Variants in MAGED1 observed in about 807,000 individuals in gnomAD.
MAGED1 encodes the protein MAGE family member D1.
MAGED1 carries 3 observed loss-of-function variants against 54.1 expected under a neutral mutation model. The observed-to-expected ratio is 0.06, with a 90% CI of 0.03 to 0.14. The LOEUF (loss-of-function observed/expected upper bound fraction) is 0.14. MAGED1 is among the 10% of genes least tolerant of loss of function. MAGED1 has a pLI of 1.00. For missense variants in MAGED1, 485 were observed against 623.4 expected, an observed-to-expected ratio of 0.78 and a Z score of 2.36; for synonymous variants, 217 against 227.3, an observed-to-expected ratio of 0.95 and a Z score of 0.41.
At chrX:51,867,421 G>C (rs371109000) in intron 1 of MAGED1, among the ~76,000 whole-genome samples, 12 of 112,039 alleles carry the variant, frequency 1.1e-4, no homozygotes, top group African/African-American at 3.9e-4. Flanking sequence ...GAGCCAATCC[G>C]AGTCCCAAAA....
chrX:51,901,988 G>A, intron 12 of MAGED1, 50 bp downstream of exon 12: 1 of 1,101,132 alleles, frequency 9.1e-7, no homozygotes, highest in Admixed American at 3.0e-5. Context: ...GGGGATATAG[G>A]GTCCATGGGG....
At chrX:51,889,207 C>T (rs1403516621), upstream of MAGED1, among the ~76,000 whole-genome samples, 1 of 111,835 alleles carries the variant, frequency 8.9e-6, no homozygotes, top group Non-Finnish European at 1.9e-5. Flanking sequence ...TAGAACCTCA[C>T]TGTACTATCC....
chrX:51,897,696 A>G, intron 6 of MAGED1, 70 bp downstream of exon 6: 1 of 1,092,295 alleles, frequency 9.2e-7, no homozygotes, highest in Admixed American at 2.2e-5. Context: ...TGGGGTTCCT[A>G]CTGGGAGTTT....
chrX:51,871,272 CTT>C (rs781922894), intron 1 of MAGED1, among the ~76,000 whole-genome samples: 3 of 100,697 alleles, frequency 3.0e-5, no homozygotes, highest in Non-Finnish European at 4.1e-5. Context: ...TGGGCATAAT[CTT>C]TTTTTTTTTT....
At chrX:51,854,072 G>A (rs1371283) in intron 1 of MAGED1, among the ~76,000 whole-genome samples, 2 of 111,076 alleles carry the variant, frequency 1.8e-5, no homozygotes, top group Admixed American at 9.5e-5. Flanking sequence ...TAAATGACTC[G>A]TGATTTTCTT....
chrX:51,854,631 A>T (rs1462487279), intron 1 of MAGED1, among the ~76,000 whole-genome samples: 2 of 111,585 alleles, frequency 1.8e-5, no homozygotes, highest in Admixed American at 9.5e-5. Flanking sequence ...TCATCCACAA[A>T]CTTGGAATAA....
chrX:51,841,084 T>A (rs1926453804), intron 1 of MAGED1, among the ~76,000 whole-genome samples: 1 of 104,463 alleles, frequency 9.6e-6, no homozygotes, highest in Admixed American at 1.0e-4. Flanking sequence ...CTCCACATCC[T>A]CTCCAGCACC....
At chrX:51,820,869 T>C (rs1400028879) in intron 1 of MAGED1, among the ~76,000 whole-genome samples, 1 of 111,688 alleles carries the variant, frequency 9.0e-6, no homozygotes, top group Non-Finnish European at 1.9e-5. Context: ...CCTATTTAAC[T>C]GTAATTTTGT....
chrX:51,884,517 CA>C (rs1928172897), intron 1 of MAGED1, among the ~76,000 whole-genome samples: 1 of 111,543 alleles, frequency 9.0e-6, no homozygotes, highest in Admixed American at 9.5e-5. Flanking sequence ...AAATAATGGC[CA>C]AAGGAAGTTC....
intron 11 of MAGED1, 34 bp downstream of exon 11, chrX:51,900,330 A>C (rs1928959878): frequency 9.1e-7 from 1 of 1,094,871 alleles, no homozygotes; most frequent in African/African-American, 1.8e-5. Context: ...TTGATAGGTC[A>C]AGGGATGAAG....
Position 51,858,743 on chromosome X carries a change from A to G in MAGED1, c.-36-35526A>G, listed in dbSNP as rs1260010094. 4.4e-4 allele frequency among the ~76,000 whole-genome samples: 49 copies of G among 111,277 alleles called. No individual in the cohort carries two copies. The Admixed American group carries it at 4.7e-3, about 11-fold the overall frequency. On this transcript the variant is annotated intron_variant, in intron 1 of 12. Transcript: ENST00000375772. Reference sequence around the variant, plus strand: ...ACAGAGTCAGGTCATTCTAGGAATTATAACCAAACAAGCCAAAATAAAGTA... The same window carrying G: ...ACAGAGTCAGGTCATTCTAGGAATTGTAACCAAACAAGCCAAAATAAAGTA...
intron 1 of MAGED1, among the ~76,000 whole-genome samples, chrX:51,813,021 CT>C (rs781836909): frequency 0.12 from 8,851 of 76,545 alleles, 272 homozygotes; most frequent in Non-Finnish European, 0.15. Flanking sequence ...CCGCTGACAT[CT>C]TTTTTTTTTT....
rs576961697 is a variant in MAGED1 at position 51,822,166 on chromosome X, C to T, written c.-37+19049C>T. 1.9e-3 allele frequency among the ~76,000 whole-genome samples: 213 copies of T among 111,515 alleles called. 1 individual carries two copies. Among genetic ancestry groups the T allele is most frequent in the Non-Finnish European group, 3.3e-3 (176 of 53,054 alleles). The stretch of plus-strand genomic sequence containing the variant: ...TTTGTGTAGAATTTAGCAGTGAAGC[C>T]GTCTTGGCCTTGGCTTTTATTTGTG... On this transcript the variant is annotated intron_variant, in intron 1 of 12. Coordinates refer to the MAGED1 transcript ENST00000375772.
intron 1 of MAGED1, among the ~76,000 whole-genome samples, chrX:51,820,142 A>T (rs1310274405): frequency 8.9e-6 from 1 of 111,965 alleles, no homozygotes; most frequent in African/African-American, 3.2e-5. Flanking sequence ...TATGTCTACA[A>T]TTATTCTAGT....
At chrX:51,808,544 A>G (rs1255294680) in intron 1 of MAGED1, among the ~76,000 whole-genome samples, 3 of 111,575 alleles carry the variant, frequency 2.7e-5, no homozygotes, top group Non-Finnish European at 3.8e-5. Context: ...CCCCATCTCC[A>G]CAAAAAATTT....
chrX:51,898,279 T>C lies in MAGED1; in HGVS notation c.1739-6T>C, dbSNP rs1557364563. The stretch of plus-strand genomic sequence containing the variant: ...GTCCCTTGTCTCCCCTTGCCTCCCA[T>C]TGCAGCTGTCCTCTGGGAGGCACTA... On this transcript the variant is annotated splice_polypyrimidine_tract_variant and splice_region_variant and intron_variant, in intron 8 of 12. Coordinates refer to ENST00000326587, the MANE Select transcript of MAGED1 (RefSeq NM_006986.4). 2.5e-6 allele frequency: 3 copies of C among 1,210,568 alleles called. No individual in the cohort carries two copies. The highest frequency in any genetic ancestry group is 2.2e-6 in the Non-Finnish European group (2 of 894,647).
chrX:51,861,288 C>G (rs183920618), intron 1 of MAGED1, among the ~76,000 whole-genome samples: 74 of 111,503 alleles, frequency 6.6e-4, no homozygotes, highest in East Asian at 3.1e-3. Context: ...CTATGTATGG[C>G]TTAAAAAAGA....
intron 1 of MAGED1, among the ~76,000 whole-genome samples, chrX:51,843,090 AG>A (rs782501102): frequency 1.8e-4 from 20 of 111,776 alleles, no homozygotes; most frequent in South Asian, 7.5e-4. Context: ...TTCTTGGAGA[AG>A]GCTTTGTTGC....
chrX:51,833,380 C>T (rs1437461213), intron 1 of MAGED1, among the ~76,000 whole-genome samples: 1 of 110,735 alleles, frequency 9.0e-6, no homozygotes, highest in Admixed American at 9.6e-5. Context: ...TGTGAGGTAC[C>T]TTTAATTTCT....
Sources: allele counts gnomAD v4.1 joint callset (sites outside exome capture counted in the v4.1 genomes callset), GRCh38; gene constraint gnomAD v4.1.1; transcripts MANE v1.5; gene names NCBI Gene and HGNC (gene_info 2026-07-23, HGNC 2026-07-21).